DENND3: variants seen among roughly 807,000 people sequenced by gnomAD.
The protein encoded by DENND3 is DENN domain-containing protein 3.
In DENND3, 88 loss-of-function variants were observed where a neutral mutation model predicts 135.1. That is an observed-to-expected ratio of 0.65 (90% CI 0.55 to 0.78). The LOEUF (loss-of-function observed/expected upper bound fraction) is 0.78, where lower values mean the gene tolerates loss of function less well. Ranked by LOEUF, DENND3 falls within the 30% of genes least tolerant of loss-of-function variation. The pLI is 0.00. For missense variants in DENND3, 1,392 were observed against 1,688.4 expected, an observed-to-expected ratio of 0.82 and a Z score of 3.08; for synonymous variants, 693 against 712.3, an observed-to-expected ratio of 0.97 and a Z score of 0.43.
At chr8:141,183,731 G>GTT (rs1259209795) in intron 17 of DENND3, among the ~76,000 whole-genome samples, 4 of 133,866 alleles carry the variant, frequency 3.0e-5, no homozygotes, top group African/African-American at 1.2e-4. Context: ...TCAGTTTTTT[G>GTT]TTTTGTTTTT....
chr8:141,180,650 GCTGATATT>G (rs1822974127), intron 16 of DENND3, 89 bp from the exon 17 acceptor site: 15 of 1,156,800 alleles, frequency 1.3e-5, no homozygotes, highest in Non-Finnish European at 1.9e-5. Context: ...TTACCTGCAA[GCTGATATT>G]CTGCAGAAAT....
rs919856250 is a variant in DENND3, at chr8:141,178,268, G to A, written c.2836+72G>A. 6 of 1,546,270 alleles carry A rather than the reference G, an allele frequency of 3.9e-6. No individual in the cohort carries two copies. The African/African-American group carries it at 4.1e-5, about 11-fold the overall frequency. ...CCTTAAGTGATTTTATCTGGTCGATGTCTGTTTTATCAAGTAGAACCGAGC... is the reference window on the plus strand; with the variant it reads ...CCTTAAGTGATTTTATCTGGTCGATATCTGTTTTATCAAGTAGAACCGAGC... On this transcript the variant is annotated intron_variant, in intron 16 of 22. Transcript: ENST00000519811.
At chr8:141,135,030 G>C (rs1010657886) in intron 1 of DENND3, among the ~76,000 whole-genome samples, 1 of 152,052 alleles carries the variant, frequency 6.6e-6, no homozygotes, top group Admixed American at 6.6e-5. Context: ...TAGTAGAGAC[G>C]GGGTTTCACT....
intron 18 of DENND3, among the ~76,000 whole-genome samples, chr8:141,188,100 G>C (rs1589716650): frequency 1.9e-5 from 2 of 103,572 alleles, no homozygotes; most frequent in South Asian, 6.5e-4. Context: ...GTGGCCCATG[G>C]CTGTAGTCCC....
intron 18 of DENND3, 84 bp from the exon 19 acceptor site, chr8:141,188,902 C>T (rs1824297043): frequency 2.0e-6 from 3 of 1,509,530 alleles, no homozygotes; most frequent in Non-Finnish European, 2.7e-6. Flanking sequence ...TCCGCTAATT[C>T]AGCACGTGCA....
chr8:141,187,249 G>A (rs1824011332), intron 18 of DENND3, among the ~76,000 whole-genome samples: 1 of 148,382 alleles, frequency 6.7e-6, no homozygotes, highest in Non-Finnish European at 1.5e-5. Flanking sequence ...ATTAGGCATT[G>A]GCTGGTACCA....
intron 9 of DENND3, among the ~76,000 whole-genome samples, chr8:141,162,843 G>A (rs566265010): frequency 1.3e-5 from 2 of 152,372 alleles, no homozygotes; most frequent in South Asian, 4.1e-4. Context: ...GAACCTGGGA[G>A]GTGGAGGTTG....
At chr8:141,192,898 G>C in intron 22 of DENND3, 5 of 1,483,942 alleles carry the variant, frequency 3.4e-6, no homozygotes, top group Non-Finnish European at 4.5e-6. Context: ...AAACTGGATG[G>C]CTTCAAATGA....
chr8:141,169,874 T>C (rs1237700638), intron 13 of DENND3, among the ~76,000 whole-genome samples: 3 of 152,242 alleles, frequency 2.0e-5, no homozygotes, highest in Non-Finnish European at 4.4e-5. Context: ...CTGTATGTAG[T>C]GTGTGGGCAC....
At chr8:141,188,075 C>T (rs965194302) in intron 18 of DENND3, among the ~76,000 whole-genome samples, 1 of 151,820 alleles carries the variant, frequency 6.6e-6, no homozygotes, top group Non-Finnish European at 1.5e-5. Flanking sequence ...GGCGTGGTGG[C>T]ATCAGCCAGG....
chr8:141,168,488 C>A lies in DENND3; in HGVS notation c.2238C>A (p.Ala746=). The change falls in exon 13 of 23, where the codon GCC becomes GCA. Residue 746 remains alanine (A), a synonymous_variant. Transcript: ENST00000519811. This position sits in a 1 kb window ranked among gnomAD's most constrained non-coding sequence, Gnocchi z 6.2. ...RVQESGIVKD[A]SIIHRLFEAL... ...AGGAGTCAGGGATCGTGAAGGACGC[C>A]AGCATCATACACCGGCTGTTCGAGG... 1 of 1,612,956 alleles carries A rather than the reference C, an allele frequency of 6.2e-7. No individual in the cohort carries two copies. Among genetic ancestry groups the A allele is most frequent in the Non-Finnish European group, 8.5e-7 (1 of 1,179,566 alleles).
In DENND3 at chr8:141,175,652, T is replaced by G; in HGVS notation, c.2535+193T>G. Reference sequence around the variant, plus strand: ...AGGCTGATACCTTCTCAGTGGGTGGTGGAGATTGAATAGTTTGCATATGGA... The same window carrying G: ...AGGCTGATACCTTCTCAGTGGGTGGGGGAGATTGAATAGTTTGCATATGGA... On this transcript the variant is annotated intron_variant, in intron 14 of 22. Coordinates refer to ENST00000519811, the MANE Select transcript of DENND3 (RefSeq NM_001352890.3). This position sits in a 1 kb window ranked among gnomAD's most constrained non-coding sequence, Gnocchi z 5.4. The G allele has an allele frequency of 1.3e-6, 1 of 789,226 alleles. No homozygotes were observed. The highest frequency in any genetic ancestry group is 1.5e-5 in the South Asian group (1 of 65,720). 48.9% of individuals were successfully genotyped at this position (789,226 alleles called of 1,614,324 possible).
chr8:141,142,971 T>C (rs944304431), intron 4 of DENND3: 1 of 153,190 alleles, frequency 6.5e-6, no homozygotes, highest in East Asian at 1.9e-4. Context: ...GATATCCTCC[T>C]GCTAGACATT....
intron 1 of DENND3, among the ~76,000 whole-genome samples, chr8:141,134,420 C>T (rs1223146112): frequency 2.0e-5 from 3 of 151,186 alleles, no homozygotes; most frequent in South Asian, 2.1e-4. Context: ...TCAGCCTCTC[C>T]GAGTAGCTGG....
At chr8:141,176,979 G>C in intron 15 of DENND3, 1 of 563,446 alleles carries the variant, frequency 1.8e-6, no homozygotes. Context: ...AGAGCATGAT[G>C]AGAAAACGCA....
At chr8:141,133,458 C>G (rs1353411487) in intron 1 of DENND3, among the ~76,000 whole-genome samples, 1 of 152,138 alleles carries the variant, frequency 6.6e-6, no homozygotes, top group African/African-American at 2.4e-5. Context: ...GGTTTGCGGT[C>G]AGACAGGGAC....
chr8:141,183,846 G>A (rs1212773236), intron 17 of DENND3, among the ~76,000 whole-genome samples: 10 of 152,040 alleles, frequency 6.6e-5, no homozygotes, highest in East Asian at 1.9e-4. Context: ...CTGTCCTGGC[G>A]GGGGTGCAGG....
In DENND3 at chr8:141,154,200, G is replaced by A. The variant is rs1244359341; in HGVS notation, c.1075-1649G>A. 6.6e-6 allele frequency among the ~76,000 whole-genome samples: 1 copy of A among 152,248 alleles called. No homozygotes were observed. Among genetic ancestry groups the A allele is most frequent in the African/African-American group, 2.4e-5 (1 of 41,464 alleles). On this transcript the variant is annotated intron_variant, in intron 7 of 22. Coordinates refer to ENST00000519811, the MANE Select transcript of DENND3 (RefSeq NM_001352890.3). This position sits in a 1 kb window ranked among gnomAD's most constrained non-coding sequence, Gnocchi z 4.4. ...AAGGGCGGGGCCCAGAATGAGAGCCGGGGAGTCGGGGCCTTCCCCAGGAAC... is the reference window on the plus strand; with the variant it reads ...AAGGGCGGGGCCCAGAATGAGAGCCAGGGAGTCGGGGCCTTCCCCAGGAAC...
Position 141,175,326 on chromosome 8 carries a change from G to A in DENND3, c.2402G>A (p.Cys801Tyr), listed in dbSNP as rs57111538. The A allele has an allele frequency of 6.2e-7, 1 of 1,614,218 alleles. No individual in the cohort carries two copies. The highest frequency in any genetic ancestry group is 1.3e-5 in the African/African-American group (1 of 75,050). The change falls in exon 14 of 23, where the codon TGT becomes TAT. Residue 801 changes from cysteine to tyrosine, a missense_variant. Transcript: ENST00000519811. The surrounding 1 kb of genome is among the most constrained non-coding windows in gnomAD (Gnocchi z 5.4). ...LVMEHLDKNE[C>Y]VCKLSSSVKT... ...ATGGAACACCTGGATAAAAACGAGT[G>A]TGTGTGTAAGTTGTCCAGCTCCGTC...
Sources: allele counts gnomAD v4.1 joint callset (sites outside exome capture counted in the v4.1 genomes callset), GRCh38; gene constraint gnomAD v4.1.1; non-coding constraint Gnocchi (gnomAD v3.1); transcripts MANE v1.5; gene names NCBI Gene and HGNC (gene_info 2026-07-23, HGNC 2026-07-21).